Variants in SAMMSON observed in about 807,000 individuals in gnomAD.
SAMMSON encodes long intergenic non-protein coding RNA 1212.
At chr3:70,187,530 C>G (rs1701100278) in intron 4 of SAMMSON, among the ~76,000 whole-genome samples, 1 of 149,390 alleles carries the variant, frequency 6.7e-6, no homozygotes, top group South Asian at 2.2e-4. Context: ...CTCCGCCTCC[C>G]GGGTTCACGC....
intron 4 of SAMMSON, among the ~76,000 whole-genome samples, chr3:70,080,808 A>T (rs1437532918): frequency 6.6e-6 from 1 of 151,974 alleles, no homozygotes. Flanking sequence ...CAATATAACG[A>T]TATTGCAAAA....
intron 2 of SAMMSON, among the ~76,000 whole-genome samples, chr3:70,398,596 A>G (rs1286459534): frequency 2.0e-5 from 3 of 152,188 alleles, no homozygotes; most frequent in African/African-American, 4.8e-5. Context: ...GCTCTTTTTC[A>G]TATTAAAATA....
intron 3 of SAMMSON, among the ~76,000 whole-genome samples, chr3:70,021,186 C>T (rs576880565): frequency 7.9e-5 from 12 of 152,134 alleles, no homozygotes; most frequent in South Asian, 4.1e-4. Flanking sequence ...GGATGTGAGA[C>T]GTGAGAAAAC....
intron 4 of SAMMSON, among the ~76,000 whole-genome samples, chr3:70,101,830 C>T (rs1176191483): frequency 6.6e-6 from 1 of 152,072 alleles, no homozygotes; most frequent in East Asian, 1.9e-4. Flanking sequence ...AATAACGAAA[C>T]TAAAATTATA....
At chr3:70,323,080 A>G (rs1559563673) in intron 7 of SAMMSON, among the ~76,000 whole-genome samples, 1 of 152,088 alleles carries the variant, frequency 6.6e-6, no homozygotes. Context: ...AATTAGATTG[A>G]AAATGGCATC....
At chr3:70,201,201 C>T (rs536576088) in intron 4 of SAMMSON, among the ~76,000 whole-genome samples, 1 of 152,176 alleles carries the variant, frequency 6.6e-6, no homozygotes, top group African/African-American at 2.4e-5. Flanking sequence ...TCCTCTCACC[C>T]TCCACCCTCC....
At chr3:70,097,244 A>C (rs2067326118) in intron 4 of SAMMSON, among the ~76,000 whole-genome samples, 2 of 152,220 alleles carry the variant, frequency 1.3e-5, no homozygotes, top group South Asian at 2.1e-4. Context: ...CAGAGAAAAA[A>C]CAAAGCCAAG....
intron 4 of SAMMSON, among the ~76,000 whole-genome samples, chr3:70,164,344 A>T (rs754406632): frequency 3.3e-5 from 5 of 152,062 alleles, no homozygotes; most frequent in Non-Finnish European, 7.4e-5. Context: ...TAGCACAATG[A>T]CAGGCATTGT....
intron 4 of SAMMSON, chr3:70,206,841 A>G (rs139201384): frequency 2.5e-6 from 1 of 396,670 alleles, no homozygotes; most frequent in African/African-American, 2.1e-5. Flanking sequence ...GGTTTACGTG[A>G]CCTAGTGACC....
intron 4 of SAMMSON, among the ~76,000 whole-genome samples, chr3:70,158,187 G>T (rs1397953541): frequency 6.6e-6 from 1 of 151,994 alleles, no homozygotes; most frequent in Non-Finnish European, 1.5e-5. Flanking sequence ...TTCCTCATGT[G>T]CATTTGCTGT....
Position 70,252,241 on chromosome 3 carries a change from A to G in SAMMSON, n.674+2571A>G, listed in dbSNP as rs79974643. On this transcript the variant is annotated intron_variant and non_coding_transcript_variant, in intron 6 of 9. Coordinates refer to ENST00000642114, the Ensembl canonical transcript of SAMMSON. ...TCTGCAAACCCATAGTTTCAGTGGA[A>G]TTCTTATCCAATGTATGACTTAGGC... is the stretch of plus-strand genomic sequence containing the variant. Among the ~76,000 whole-genome samples, 1,393 of 152,284 alleles carry G rather than the reference A, an allele frequency of 9.1e-3. 9 individuals are homozygous for G. Among genetic ancestry groups the G allele is most frequent in the Non-Finnish European group, 0.015 (1,010 of 68,004 alleles).
chr3:70,142,327 A>G (rs934693036), intron 4 of SAMMSON, among the ~76,000 whole-genome samples: 1 of 152,202 alleles, frequency 6.6e-6, no homozygotes, highest in Admixed American at 6.6e-5. Context: ...TGGTATATAT[A>G]TATGTATATG....
chr3:70,024,003 C>T (rs2067026963), intron 3 of SAMMSON, among the ~76,000 whole-genome samples: 1 of 135,064 alleles, frequency 7.4e-6, no homozygotes, highest in African/African-American at 3.1e-5. Flanking sequence ...GCTCTTCCTT[C>T]CTATTTTTTT....
chr3:70,237,091 G>T (rs930061411), intron 4 of SAMMSON, among the ~76,000 whole-genome samples: 3 of 152,066 alleles, frequency 2.0e-5, no homozygotes, highest in Admixed American at 6.6e-5. Context: ...ATCAGTTTGG[G>T]ATAAAGCTTT....
chr3:70,253,330 G>T (rs191351856), intron 6 of SAMMSON, among the ~76,000 whole-genome samples: 123 of 152,248 alleles, frequency 8.1e-4, no homozygotes, highest in African/African-American at 2.8e-3. Flanking sequence ...AGAGGCAGGG[G>T]TGTGCATGGA....
At chr3:70,179,948 G>T (rs534685076) in intron 4 of SAMMSON, among the ~76,000 whole-genome samples, 1 of 151,896 alleles carries the variant, frequency 6.6e-6, no homozygotes, top group South Asian at 2.1e-4. Flanking sequence ...TTATTCTCCT[G>T]GGATTCTTTT....
intron 4 of SAMMSON, among the ~76,000 whole-genome samples, chr3:70,155,285 A>G (rs1175744647): frequency 6.6e-6 from 1 of 151,944 alleles, no homozygotes; most frequent in African/African-American, 2.4e-5. Flanking sequence ...GAAATCCCTC[A>G]GCCCAATGCA....
intron 4 of SAMMSON, among the ~76,000 whole-genome samples, chr3:70,095,010 C>T (rs1328737427): frequency 6.6e-6 from 1 of 152,188 alleles, no homozygotes; most frequent in African/African-American, 2.4e-5. Context: ...TTCTAATTTG[C>T]AATTGCTTAA....
intron 4 of SAMMSON, among the ~76,000 whole-genome samples, chr3:70,098,077 C>G (rs1168965280): frequency 6.6e-6 from 1 of 152,202 alleles, no homozygotes; most frequent in Non-Finnish European, 1.5e-5. Context: ...TGTTCTCCAG[C>G]TTTAAGTTTG....
Sources: allele counts gnomAD v4.1 joint callset (sites outside exome capture counted in the v4.1 genomes callset), GRCh38; gene constraint gnomAD v4.1.1; transcripts MANE v1.5; gene names NCBI Gene and HGNC (gene_info 2026-07-23, HGNC 2026-07-21).